HTATSF1: variants seen among roughly 807,000 people sequenced by gnomAD.
The protein encoded by HTATSF1 is 17S U2 SnRNP complex component HTATSF1.
HTATSF1 carries 6 observed loss-of-function variants against 46.1 expected under a neutral mutation model. The observed-to-expected ratio is 0.13, with a 90% CI of 0.07 to 0.26. The LOEUF is 0.26. Among genes scored for constraint, HTATSF1 ranks in the 10% least tolerant of loss-of-function variants. The probability of loss-of-function intolerance (pLI) is 1.00; values close to 1 mark genes in which losing one functional copy is unlikely to be tolerated. For synonymous variants in HTATSF1, 226 were observed against 211.5 expected (o/e 1.07, Z -0.60); for missense variants, 452 against 559.9 (o/e 0.81, Z 1.94).
intron 8 of HTATSF1, 118 bp from the exon 9 acceptor site, chrX:136,510,690 C>A: frequency 1.2e-6 from 1 of 823,586 alleles, no homozygotes; most frequent in Non-Finnish European, 1.7e-6. Context: ...GAATTGCTTT[C>A]ATTTCCTAAT....
chrX:136,508,421 G>A (rs923999748), intron 6 of HTATSF1, among the ~76,000 whole-genome samples: 1 of 111,933 alleles, frequency 8.9e-6, no homozygotes, highest in Non-Finnish European at 1.9e-5. Flanking sequence ...ATTTCCACCC[G>A]AACTCTAGGC....
At chrX:136,510,442 C>CT (rs1442652925) in intron 8 of HTATSF1, among the ~76,000 whole-genome samples, 2 of 112,614 alleles carry the variant, frequency 1.8e-5, no homozygotes, top group Non-Finnish European at 3.8e-5. Flanking sequence ...ATGTTTGAGT[C>CT]TTTCAGTTTC....
At chrX:136,499,331 C>T (rs1358369884) in intron 1 of HTATSF1, among the ~76,000 whole-genome samples, 1 of 112,141 alleles carries the variant, frequency 8.9e-6, no homozygotes. Context: ...GAAAAGGTGC[C>T]AGCATCACTT....
chrX:136,497,817 C>T lies in HTATSF1; in HGVS notation c.133C>T (p.Pro45Ser). 1.7e-6 allele frequency: 2 copies of T among 1,195,604 alleles called. No homozygotes were observed. Among genetic ancestry groups the T allele is most frequent in the Admixed American group, 2.2e-5 (1 of 45,603 alleles). The change falls in exon 1 of 9, where the codon CCG becomes TCG. Residue 45 changes from proline (P) to serine (S), a missense_variant. By Grantham distance (74) the Pro-to-Ser change is moderately conservative. Around this residue, in one of 3 missense-constraint regions of HTATSF1, gnomAD observed 89 missense variants for 92.3 expected, o/e 0.96. Transcript: ENST00000218364. ...GGEPDSLGQQPTDTPYEWDLD... is the reference protein window; with the variant it reads ...GGEPDSLGQQSTDTPYEWDLD... Reference sequence around the variant, plus strand: ...AGAACCCGATTCTCTCGGGCAGCAGCCGACGGACACTCCCTACGAGTGGGA... The same window carrying T: ...AGAACCCGATTCTCTCGGGCAGCAGTCGACGGACACTCCCTACGAGTGGGA...
Position 136,504,415 on chromosome X carries a change from T to C in HTATSF1, c.786T>C (p.His262=), listed in dbSNP as rs146979434. 6.6e-6 allele frequency: 8 copies of C among 1,208,634 alleles called. No homozygotes were observed. The highest frequency in any genetic ancestry group is 3.0e-5 in the East Asian group (1 of 33,596). Residue 262 remains histidine, a synonymous_variant, in exon 6 of 9, where the codon CAT becomes CAC. Transcript: ENST00000218364. ...ERRAGPSRMR[H]ERVVIIKNMF... is the part of the protein sequence containing the mutation. Reference sequence around the variant, plus strand: ...GAGCCGGACCATCCCGGATGCGCCATGAGCGAGTTGTCATCATCAAGAATA... The same window carrying C: ...GAGCCGGACCATCCCGGATGCGCCACGAGCGAGTTGTCATCATCAAGAATA...
At chrX:136,508,976 C>A in intron 6 of HTATSF1, 115 bp from the exon 7 acceptor site, 1 of 531,015 alleles carries the variant, frequency 1.9e-6, no homozygotes, top group Non-Finnish European at 3.2e-6. Context: ...ATGAAAAACA[C>A]AACCTTAAGC....
In HTATSF1 at chrX:136,510,872, C is replaced by A; in HGVS notation, c.1127C>A (p.Pro376His). Residue 376 changes from proline (P) to histidine (H), a missense_variant, in exon 9 of 9, where the codon CCT (proline) becomes CAT (histidine). This residue lies in a region of HTATSF1 where 117 missense variants were observed against 222.2 expected (regional missense o/e 0.53). Transcript: ENST00000218364. ...LRGWEAFLNA[P>H]EANRGLRRSD... ...GGATGGGAGGCTTTCCTCAATGCTC[C>A]TGAGGCCAACAGAGGCCTTAGGCGT... 8.3e-7 allele frequency: 1 copy of A among 1,210,141 alleles called. No individual in the cohort carries two copies. Among genetic ancestry groups the A allele is most frequent in the Non-Finnish European group, 1.1e-6 (1 of 894,421 alleles).
Position 136,497,593 on chromosome X carries a change from G to C in HTATSF1, c.-92G>C, listed in dbSNP as rs1342184025. 2 of 778,016 alleles carry C rather than the reference G, an allele frequency of 2.6e-6. No individual in the cohort carries two copies. The highest frequency in any genetic ancestry group is 4.0e-5 in the South Asian group (1 of 24,903). The allele number at this position is 778,016 out of a possible 1,213,427, so 64.1% of individuals were successfully genotyped here. A position where few individuals can be genotyped will look rare whatever the true frequency, so the allele number is the denominator to read the frequency against. On this transcript the variant is annotated 5_prime_UTR_variant, in exon 1 of 9. Coordinates refer to ENST00000218364, the MANE Select transcript of HTATSF1 (RefSeq NM_014500.5). ...GCCGGGGGGCGGCGGGGCGCGAGCAGAGCGCGGTTGACCTCCCTTTCTCTG... is the reference window on the plus strand; with the variant it reads ...GCCGGGGGGCGGCGGGGCGCGAGCACAGCGCGGTTGACCTCCCTTTCTCTG...
Position 136,508,404 on chromosome X carries a change from T to C in HTATSF1, c.835-687T>C, listed in dbSNP as rs773254726. Among the ~76,000 whole-genome samples the C allele has an allele frequency of 8.9e-5, 10 of 112,253 alleles. No individual in the cohort carries two copies. The South Asian group carries it at 3.7e-3, about 42-fold the overall frequency. On this transcript the variant is annotated intron_variant, in intron 6 of 8. Transcript: ENST00000218364. ...GGAATCTTAAATCATTTTGTTGTTA[T>C]AGGGAGATTTCCACCCGAACTCTAG...
chrX:136,512,188 TGTTTA>T lies in HTATSF1; in HGVS notation c.*179_*183del. ...TGGTTTTAAATATATGTTAATTGAT[TGTTTA>T]GTTAAAATGTCATAGTTACAATGCA... On this transcript the variant is annotated 3_prime_UTR_variant, in exon 9 of 9. Transcript: ENST00000218364. 1 of 415,840 alleles carries T rather than the reference TGTTTA, an allele frequency of 2.4e-6. No homozygotes were observed. The highest frequency in any genetic ancestry group is 9.1e-5 in the South Asian group (1 of 10,982). 34.3% of individuals were successfully genotyped at this position (415,840 alleles called of 1,213,427 possible).
At chrX:136,501,817 G>A (rs2075719644) in intron 4 of HTATSF1, among the ~76,000 whole-genome samples, 1 of 111,820 alleles carries the variant, frequency 8.9e-6, no homozygotes, top group Admixed American at 9.5e-5. Flanking sequence ...ACCATTTTAG[G>A]ATGGTAGTTT....
intron 3 of HTATSF1, among the ~76,000 whole-genome samples, chrX:136,500,432 A>C (rs1009201408): frequency 8.9e-6 from 1 of 112,152 alleles, no homozygotes; most frequent in Admixed American, 9.4e-5. Flanking sequence ...TGTAACTTAC[A>C]GCAGTGTGTC....
intron 6 of HTATSF1, among the ~76,000 whole-genome samples, chrX:136,508,878 T>C (rs1236318399): frequency 8.9e-6 from 1 of 112,741 alleles, no homozygotes; most frequent in Non-Finnish European, 1.9e-5. Flanking sequence ...CCATTTCCTT[T>C]GTTTAAAGCA....
chrX:136,506,863 GAT>G (rs1254142449), intron 6 of HTATSF1, among the ~76,000 whole-genome samples: 1 of 112,340 alleles, frequency 8.9e-6, no homozygotes, highest in Non-Finnish European at 1.9e-5. Context: ...TGTGCTGTCA[GAT>G]ATGGTAGACT....
chrX:136,504,327 A>C (rs1317883452), intron 5 of HTATSF1, 37 bp from the exon 6 acceptor site: 2 of 1,096,781 alleles, frequency 1.8e-6, no homozygotes, highest in Non-Finnish European at 1.3e-6. Context: ...GTCTGAAGCA[A>C]AATTTACAGT....
chrX:136,498,242 A>G (rs2148519423), intron 1 of HTATSF1, among the ~76,000 whole-genome samples: 1 of 112,194 alleles, frequency 8.9e-6, no homozygotes, highest in East Asian at 2.8e-4. Flanking sequence ...CTTATGTACT[A>G]TGTGCAAAAT....
chrX:136,497,734 G>A lies in HTATSF1; in HGVS notation c.50G>A (p.Arg17Gln). The change falls in exon 1 of 9, where the codon CGA becomes CAA. Residue 17 changes from arginine to glutamine, a missense_variant. Arg to Gln is a conservative substitution (Grantham distance 43). Coordinates refer to ENST00000218364, the MANE Select transcript of HTATSF1 (RefSeq NM_014500.5). ...AACGATGAGTTTGATGAGCAGTTGC[G>A]AATGCAAGAATTGTACGGAGACGGC... ...DGNDEFDEQL[R>Q]MQELYGDGKD... 2 of 1,205,403 alleles carry A rather than the reference G, an allele frequency of 1.7e-6. No individual in the cohort carries two copies. The highest frequency in any genetic ancestry group is 1.1e-6 in the Non-Finnish European group (1 of 890,548).
intron 6 of HTATSF1, among the ~76,000 whole-genome samples, chrX:136,506,124 T>G (rs1231178955): frequency 8.9e-6 from 1 of 111,806 alleles, no homozygotes. Flanking sequence ...CCTTGCTCAT[T>G]GAAATACCTT....
At chrX:136,504,280 A>G (rs1190199828) in intron 5 of HTATSF1, 84 bp from the exon 6 acceptor site, 3 of 591,863 alleles carry the variant, frequency 5.1e-6, no homozygotes, top group African/African-American at 4.5e-5. Context: ...TCAGTAAAGT[A>G]TTGTATGAAC....
Sources: gnomAD v4.1 joint callset for allele counts (sites outside exome capture counted in the v4.1 genomes callset) on GRCh38, gnomAD v4.1.1 for gene constraint, gnomAD v4.1.1 regional missense constraint, MANE v1.5 for transcripts, NCBI Gene and HGNC (gene_info 2026-07-23, HGNC 2026-07-21) for gene names.